The following ATXN2 variants were observed in gnomAD, a reference collection of about 807,000 sequenced individuals.
ATXN2 encodes ataxin 2.
In ATXN2, 37 loss-of-function variants were observed where a neutral mutation model predicts 138.6. The observed-to-expected ratio is 0.27, with a 90% CI of 0.21 to 0.35. The LOEUF (loss-of-function observed/expected upper bound fraction) is 0.35, where lower values mean the gene tolerates loss of function less well. ATXN2 is among the 10% of genes least tolerant of loss of function. The pLI, the probability that ATXN2 is intolerant of heterozygous loss-of-function variation, is 1.00. For missense variants in ATXN2, 1,216 were observed against 1,480.3 expected, an observed-to-expected ratio of 0.82 and a Z score of 2.93; for synonymous variants, 549 against 543.7, an observed-to-expected ratio of 1.01 and a Z score of -0.13.
At position 111,456,266 on chromosome 12, in the gene ATXN2, G is replaced by A. The variant is rs375022770; in HGVS notation, c.3043-10C>T. ...CCTGGTGCTGATGGTGCTGCAAAGC[G>A]ACAGGAAAGAATTGAGAGGAAAACT... is the stretch of plus-strand genomic sequence containing the variant. On this transcript the variant is annotated splice_polypyrimidine_tract_variant and intron_variant, in intron 22 of 24. Transcript: ENST00000673436. The A allele has an allele frequency of 2.4e-5, 39 of 1,613,762 alleles. No homozygotes were observed. The highest frequency in any genetic ancestry group is 5.0e-5 in the Admixed American group (3 of 60,000).
intron 14 of ATXN2, among the ~76,000 whole-genome samples, chr12:111,507,685 C>T (rs1313271885): frequency 6.6e-6 from 1 of 152,318 alleles, no homozygotes; most frequent in Non-Finnish European, 1.5e-5. Context: ...TGAGAACGGG[C>T]CATGATGACA....
Position 111,598,175 on chromosome 12 carries a change from C to A in ATXN2, c.251+609G>T. The A allele has an allele frequency of 2.8e-6, 3 of 1,079,770 alleles. No individual in the cohort carries two copies. The highest frequency in any genetic ancestry group is 3.4e-6 in the Non-Finnish European group (3 of 882,962). 66.9% of individuals were successfully genotyped at this position (1,079,770 alleles called of 1,614,324 possible). A position where few individuals can be genotyped will look rare whatever the true frequency, so the allele number is the denominator to read the frequency against. On this transcript the variant is annotated intron_variant, in intron 1 of 24. Transcript: ENST00000673436. The surrounding 1 kb of genome is among the most constrained non-coding windows in gnomAD (Gnocchi z 4.5). ...AGAGGGGTGCGGGGGCCAAGGCCCA[C>A]TTGTCTCCACCCCGTCCTCCGATCT...
At chr12:111,580,513 GAAAA>G (rs771331354) in intron 1 of ATXN2, among the ~76,000 whole-genome samples, 6 of 105,842 alleles carry the variant, frequency 5.7e-5, no homozygotes, top group Non-Finnish European at 1.0e-4. Flanking sequence ...CTCCAAAAAA[GAAAA>G]AAAAAAAAAA....
At chr12:111,467,291 T>G (rs1254878859) in intron 20 of ATXN2, among the ~76,000 whole-genome samples, 1 of 141,120 alleles carries the variant, frequency 7.1e-6, no homozygotes, top group Non-Finnish European at 1.5e-5. Context: ...TACAGGCATG[T>G]GCCACCATGA....
rs1879971476 is a variant in ATXN2 at position 111,518,382 on chromosome 12, T to C, written c.1032A>G (p.Ile344Met). 1.9e-6 allele frequency: 3 copies of C among 1,612,896 alleles called. No individual in the cohort carries two copies. In the South Asian group the frequency reaches 3.3e-5, roughly 18 times the overall value. Residue 344 changes from isoleucine to methionine, a missense_variant, in exon 9 of 25, where the codon ATA (isoleucine) becomes ATG (methionine). Coordinates refer to ENST00000673436, the MANE Select transcript of ATXN2 (RefSeq NM_001372574.1). ...IPPGQRNREV[I>M]SWGSGRQNSP... ...AATTCTGTCTCCCACTTCCCCAGGA[T>C]ATGACTTCTCTATTTCTTTGTCCAG...
intron 1 of ATXN2, among the ~76,000 whole-genome samples, chr12:111,590,064 ATTTGCCAGG>A (rs1884578683): frequency 6.9e-6 from 1 of 144,788 alleles, no homozygotes; most frequent in Non-Finnish European, 1.5e-5. Flanking sequence ...AAATACAAAA[ATTTGCCAGG>A]TGTAGTGGTG....
intron 5 of ATXN2, among the ~76,000 whole-genome samples, chr12:111,539,633 G>C (rs944422985): frequency 2.0e-5 from 3 of 149,832 alleles, no homozygotes; most frequent in Admixed American, 6.7e-5. Context: ...TCTAGTCCCA[G>C]CTACCCGGGA....
At chr12:111,534,452 A>G (rs1387252495) in intron 5 of ATXN2, among the ~76,000 whole-genome samples, 2 of 152,120 alleles carry the variant, frequency 1.3e-5, no homozygotes, top group Non-Finnish European at 2.9e-5. Context: ...AGGAATATAT[A>G]TATGTTGAAC....
chr12:111,470,288 A>G, intron 19 of ATXN2, 48 bp from the exon 20 acceptor site: 1 of 1,585,906 alleles, frequency 6.3e-7, no homozygotes, highest in South Asian at 1.1e-5. Context: ...CTGCAAATAG[A>G]GCCAAGCAGA....
At position 111,557,062 on chromosome 12, in the gene ATXN2, A is replaced by G. The variant is rs562200715; in HGVS notation, c.252-1143T>C. Among the ~76,000 whole-genome samples, 18 of 152,336 alleles carry G rather than the reference A, an allele frequency of 1.2e-4. No individual in the cohort carries two copies. In the South Asian group the frequency reaches 3.7e-3, roughly 32 times the overall value. On this transcript the variant is annotated intron_variant, in intron 1 of 24. Transcript: ENST00000673436. ...TGAATTATAGAATATAATACAACCT[A>G]AAGCTTATTCCACTGAAAAAGATTA...
At chr12:111,496,377 CA>C (rs890239668) in intron 14 of ATXN2, among the ~76,000 whole-genome samples, 6 of 149,568 alleles carry the variant, frequency 4.0e-5, no homozygotes, top group Admixed American at 4.0e-4. Context: ...ACTAAAAATA[CA>C]AAAAAAAATT....
At chr12:111,579,971 A>T (rs1883901747) in intron 1 of ATXN2, among the ~76,000 whole-genome samples, 1 of 152,002 alleles carries the variant, frequency 6.6e-6, no homozygotes, top group South Asian at 2.1e-4. Context: ...AAGTGCTGGG[A>T]TTACAGGCGT....
intron 1 of ATXN2, among the ~76,000 whole-genome samples, chr12:111,556,861 A>T (rs1337470920): frequency 6.9e-6 from 1 of 145,264 alleles, no homozygotes; most frequent in Non-Finnish European, 1.5e-5. Flanking sequence ...TTACAACTGC[A>T]GAAAAAAAAA....
intron 5 of ATXN2, among the ~76,000 whole-genome samples, chr12:111,531,599 G>A (rs1880840788): frequency 6.6e-6 from 1 of 152,018 alleles, no homozygotes; most frequent in African/African-American, 2.4e-5. Flanking sequence ...ACTACACCAT[G>A]TATTATACAG....
rs572545330 is a variant in ATXN2, at chr12:111,585,460, C to T, written c.251+13324G>A. Among the ~76,000 whole-genome samples the T allele has an allele frequency of 1.0e-4, 15 of 149,938 alleles. No homozygotes were observed. The East Asian group carries it at 3.0e-3, about 30-fold the overall frequency. ...GCTGGGAGGCAGAGGTTGCAGTGGG[C>T]CAAGATTGTACCATTGCACTCCAGC... On this transcript the variant is annotated intron_variant, in intron 1 of 24. Transcript: ENST00000673436.
chr12:111,546,496 C>CT (rs1881806832), intron 5 of ATXN2, among the ~76,000 whole-genome samples: 1 of 152,104 alleles, frequency 6.6e-6, no homozygotes, highest in South Asian at 2.1e-4. Flanking sequence ...TTGCTGACCC[C>CT]TATCATCTAG....
chr12:111,590,614 G>A (rs1015480243), intron 1 of ATXN2, among the ~76,000 whole-genome samples: 3 of 151,710 alleles, frequency 2.0e-5, no homozygotes, highest in African/African-American at 4.8e-5. Flanking sequence ...GAACCCGGGA[G>A]GCAGAGGTTG....
chr12:111,597,971 C>A, intron 1 of ATXN2: 1 of 1,221,486 alleles, frequency 8.2e-7, no homozygotes, highest in Non-Finnish European at 1.0e-6. Flanking sequence ...GCGGATCGGC[C>A]ACCACCCGCG....
chr12:111,563,268 T>C (rs534979839), intron 1 of ATXN2, among the ~76,000 whole-genome samples: 1 of 152,178 alleles, frequency 6.6e-6, no homozygotes, highest in South Asian at 2.1e-4. Context: ...AGGGAGTAAA[T>C]ACGTATATTC....
Sources: allele counts gnomAD v4.1 joint callset (sites outside exome capture counted in the v4.1 genomes callset), GRCh38; gene constraint gnomAD v4.1.1; non-coding constraint Gnocchi (gnomAD v3.1); transcripts MANE v1.5; gene names NCBI Gene and HGNC (gene_info 2026-07-23, HGNC 2026-07-21).